CATSPERE: variants seen among roughly 807,000 people sequenced by gnomAD.
CATSPERE encodes the protein catsper channel auxiliary subunit epsilon.
In CATSPERE, 93 loss-of-function variants were observed where a neutral mutation model predicts 114.1. The observed-to-expected ratio is 0.81, with a 90% CI of 0.69 to 0.97. The LOEUF is 0.97. Among genes scored for constraint, CATSPERE ranks in the 50% least tolerant of loss-of-function variants. The pLI, the probability that CATSPERE is intolerant of heterozygous loss-of-function variation, is 0.00. For synonymous variants in CATSPERE, 341 were observed against 384.1 expected (o/e 0.89, Z 1.31); for missense variants, 1,058 against 1,131.6 (o/e 0.93, Z 0.93).
At chr1:244,600,921 G>A (rs1453005999) in intron 17 of CATSPERE, among the ~76,000 whole-genome samples, 1 of 152,156 alleles carries the variant, frequency 6.6e-6, no homozygotes, top group Admixed American at 6.5e-5. Flanking sequence ...CCATGAGGGC[G>A]AGTCAGCAGA....
At chr1:244,489,841 T>A in intron 5 of CATSPERE, among the ~76,000 whole-genome samples, 1 of 151,882 alleles carries the variant, frequency 6.6e-6, no homozygotes, top group Non-Finnish European at 1.5e-5. Flanking sequence ...TAGATATATG[T>A]ATAGCAAGAA....
intron 2 of CATSPERE, among the ~76,000 whole-genome samples, chr1:244,475,693 C>G (rs180757656): frequency 4.3e-4 from 65 of 151,814 alleles, no homozygotes; most frequent in African/African-American, 1.6e-3. Context: ...CGCACCACCA[C>G]GCCTAGCTTA....
At chr1:244,477,849 A>G (rs1572285864) in intron 3 of CATSPERE, 57 bp from the exon 4 acceptor site, 1 of 1,343,268 alleles carries the variant, frequency 7.4e-7, no homozygotes, top group East Asian at 2.3e-5. Flanking sequence ...TAGTAAGGGA[A>G]TTTTATTAAT....
At chr1:244,533,669 C>G (rs999681519) in intron 8 of CATSPERE, among the ~76,000 whole-genome samples, 1 of 152,032 alleles carries the variant, frequency 6.6e-6, no homozygotes, top group East Asian at 1.9e-4. Flanking sequence ...ACCTTGTACC[C>G]CTGCTTTTAA....
At chr1:244,473,717 CT>C (rs1668837046) in intron 2 of CATSPERE, among the ~76,000 whole-genome samples, 1 of 151,988 alleles carries the variant, frequency 6.6e-6, no homozygotes, top group Non-Finnish European at 1.5e-5. Context: ...TTACTTTAGT[CT>C]TTCTGGGTCA....
chr1:244,601,377 T>G (rs1336338257), intron 17 of CATSPERE, among the ~76,000 whole-genome samples: 2 of 152,004 alleles, frequency 1.3e-5, no homozygotes, highest in African/African-American at 4.8e-5. Flanking sequence ...TGAAAAGAAA[T>G]AAAATATGAA....
intron 5 of CATSPERE, among the ~76,000 whole-genome samples, chr1:244,487,399 C>G (rs926839120): frequency 3.9e-5 from 6 of 152,106 alleles, no homozygotes; most frequent in Non-Finnish European, 8.8e-5. Flanking sequence ...GTAGTCAAGC[C>G]GTGTAGCTTC....
At chr1:244,461,271 G>A (rs968595070), upstream of CATSPERE, 8 of 541,512 alleles carry the variant, frequency 1.5e-5, no homozygotes, top group Admixed American at 2.6e-4. Flanking sequence ...ACGCGCACGC[G>A]CACACTTCTC....
chr1:244,562,171 A>G (rs75832567), intron 10 of CATSPERE, among the ~76,000 whole-genome samples: 1 of 151,714 alleles, frequency 6.6e-6, no homozygotes, highest in East Asian at 1.9e-4. Flanking sequence ...AAAAAAAAAA[A>G]AAAGCTCCTG....
chr1:244,547,491 TAAC>T (rs1348959076), intron 8 of CATSPERE, among the ~76,000 whole-genome samples: 7 of 152,156 alleles, frequency 4.6e-5, no homozygotes, highest in African/African-American at 1.4e-4. Flanking sequence ...CTATTAAAAA[TAAC>T]AACCACAATA....
intron 8 of CATSPERE, among the ~76,000 whole-genome samples, chr1:244,536,884 C>T (rs1035475386): frequency 2.0e-5 from 3 of 149,798 alleles, no homozygotes; most frequent in Admixed American, 6.6e-5. Flanking sequence ...TGTGAATTGA[C>T]TTTTGTATGG....
chr1:244,572,919 G>A (rs1664679361), intron 11 of CATSPERE, 147 bp downstream of exon 11: 1 of 613,326 alleles, frequency 1.6e-6, no homozygotes, highest in Admixed American at 3.7e-5. Flanking sequence ...AACACAATAA[G>A]CCATTCATTC....
chr1:244,521,991 G>A (rs1055720063), intron 8 of CATSPERE, among the ~76,000 whole-genome samples: 6 of 152,024 alleles, frequency 3.9e-5, no homozygotes, highest in African/African-American at 7.3e-5. Context: ...AGACCTAATA[G>A]ACATCTACAG....
intron 6 of CATSPERE, among the ~76,000 whole-genome samples, chr1:244,496,876 G>A (rs1006335862): frequency 6.6e-6 from 1 of 152,116 alleles, no homozygotes; most frequent in African/African-American, 2.4e-5. Context: ...TCTTGAAAAG[G>A]CAGTCAAGAT....
At chr1:244,576,224 G>T (rs550286073) in intron 11 of CATSPERE, among the ~76,000 whole-genome samples, 1 of 151,896 alleles carries the variant, frequency 6.6e-6, no homozygotes, top group East Asian at 2.0e-4. Context: ...TACTGAGTGG[G>T]TCTCAATTCC....
At chr1:244,544,312 G>A (rs1261470269) in intron 8 of CATSPERE, among the ~76,000 whole-genome samples, 2 of 152,158 alleles carry the variant, frequency 1.3e-5, no homozygotes, top group African/African-American at 2.4e-5. Flanking sequence ...CACTGGCTCT[G>A]AACTGACACT....
intron 19 of CATSPERE, among the ~76,000 whole-genome samples, chr1:244,616,825 A>T (rs971711442): frequency 9.9e-5 from 15 of 152,212 alleles, no homozygotes. Context: ...GCTCAGACAC[A>T]TCCAAAGTAA....
intron 2 of CATSPERE, among the ~76,000 whole-genome samples, chr1:244,476,104 T>C (rs1340606871): frequency 6.6e-6 from 1 of 152,134 alleles, no homozygotes; most frequent in African/African-American, 2.4e-5. Flanking sequence ...TTTTGGTAAT[T>C]GTTCTATGTG....
At chr1:244,596,356 G>A (rs1403824601) in intron 17 of CATSPERE, among the ~76,000 whole-genome samples, 1 of 152,088 alleles carries the variant, frequency 6.6e-6, no homozygotes, top group Non-Finnish European at 1.5e-5. Context: ...CTGCCTATGC[G>A]ATAGCCCTGC....
Sources: gnomAD v4.1 joint callset for allele counts (sites outside exome capture counted in the v4.1 genomes callset) on GRCh38, gnomAD v4.1.1 for gene constraint, MANE v1.5 for transcripts, NCBI Gene and HGNC (gene_info 2026-07-23, HGNC 2026-07-21) for gene names.